The following ZNF222 variants were observed in gnomAD, a reference collection of about 807,000 sequenced individuals.
ZNF222 encodes zinc finger protein 222.
ZNF222 carries 8 observed loss-of-function variants against 11.6 expected under a neutral mutation model. The observed-to-expected ratio is 0.69, with a 90% confidence interval of 0.41 to 1.25. The LOEUF (loss-of-function observed/expected upper bound fraction) is 1.25. ZNF222 is among the 50% of genes most tolerant of loss of function. ZNF222 has a pLI of 0.01. For missense variants in ZNF222, 483 were observed against 576.1 expected (o/e 0.84, Z 1.65); for synonymous variants, 171 against 195.6 (o/e 0.87, Z 1.05).
At chr19:44,031,096 C>G (rs772373395) in intron 3 of ZNF222, 5 of 152,188 alleles carry the variant, frequency 3.3e-5, no homozygotes, top group Non-Finnish European at 7.3e-5. Context: ...AATATACAAA[C>G]TGTTTATTCG....
Position 44,026,210 on chromosome 19 carries a change from G to A in ZNF222, c.42+732G>A, listed in dbSNP as rs1341700504. ...GCCTTAATTGGTAACTTTATTCCAA[G>A]TACTTTATACCCCAAAATACATGAT... On this transcript the variant is annotated intron_variant, in intron 1 of 3. Coordinates refer to ENST00000391960, the MANE Select transcript of ZNF222 (RefSeq NM_001129996.2). The A allele has an allele frequency of 8.2e-6, 8 of 969,734 alleles. No homozygotes were observed. In the East Asian group the frequency reaches 1.5e-4, roughly 18 times the overall value. The allele number at this position is 969,734 out of a possible 1,614,324, so 60.1% of individuals were successfully genotyped here. A position where few individuals can be genotyped will look rare whatever the true frequency, so the allele number is the denominator to read the frequency against.
chr19:44,028,620 C>G (rs944243979), intron 3 of ZNF222, among the ~76,000 whole-genome samples: 3 of 152,234 alleles, frequency 2.0e-5, no homozygotes, highest in African/African-American at 7.2e-5. Context: ...AGTCGCCCCT[C>G]CCCTTTGCAA....
chr19:44,028,172 C>A (rs1282763137), intron 3 of ZNF222: 1 of 399,218 alleles, frequency 2.5e-6, no homozygotes, highest in Non-Finnish European at 4.4e-6. Context: ...GCTTCCTCTG[C>A]CACTCTTCTT....
At chr19:44,026,120 G>A in intron 1 of ZNF222, 1 of 1,606,466 alleles carries the variant, frequency 6.2e-7, no homozygotes. Context: ...CTTTGACAGA[G>A]ATGCTTACCT....
In ZNF222 at chr19:44,032,046, G is replaced by T. The variant is rs1212871376; in HGVS notation, c.492G>T (p.Gln164His). 6.2e-7 allele frequency: 1 copy of T among 1,614,094 alleles called. No homozygotes were observed. Among genetic ancestry groups the T allele is most frequent in the Admixed American group, 1.7e-5 (1 of 60,014 alleles). The change falls in exon 4 of 4, where the codon CAG becomes CAT. Residue 164 changes from glutamine (Q) to histidine (H), a missense_variant. Physicochemically the swap from Gln to His is conservative, Grantham distance 24. Coordinates refer to ENST00000391960, the MANE Select transcript of ZNF222 (RefSeq NM_001129996.2). The stretch of plus-strand genomic sequence containing the variant: ...CTTTCCAGGGTGAAAATTGTAAACA[G>T]TTCTTCAGTGATGTTTCCTTCTTTG... ...EKPFQGENCKQFFSDVSFFDL... is the reference protein window; with the variant it reads ...EKPFQGENCKHFFSDVSFFDL...
Position 44,032,366 on chromosome 19 carries a change from G to A in ZNF222, c.812G>A (p.Cys271Tyr). 3 of 1,614,204 alleles carry A rather than the reference G, an allele frequency of 1.9e-6. No homozygotes were observed. The highest frequency in any genetic ancestry group is 1.3e-5 in the African/African-American group (1 of 75,054). ...KLHMREKPYNCEKCGKAFMHN... is the reference protein window; with the variant it reads ...KLHMREKPYNYEKCGKAFMHN... ...CACATGAGAGAGAAACCTTATAATT[G>A]TGAGAAATGTGGGAAGGCTTTCATG... The change falls in exon 4 of 4, where the codon TGT (cysteine) becomes TAT (tyrosine). Residue 271 changes from cysteine to tyrosine, a missense_variant. Transcript: ENST00000391960.
At chr19:44,028,081 C>T in intron 3 of ZNF222, 1 of 400,002 alleles carries the variant, frequency 2.5e-6, no homozygotes, top group Non-Finnish European at 4.4e-6. Context: ...TAGTCACTGT[C>T]CACACTCCGT....
intron 3 of ZNF222, among the ~76,000 whole-genome samples, chr19:44,031,292 A>G (rs573225662): frequency 1.3e-5 from 2 of 152,220 alleles, no homozygotes; most frequent in South Asian, 4.1e-4. Context: ...TACATATGAG[A>G]CATGGTGTGG....
Position 44,032,230 on chromosome 19 carries a change from T to C in ZNF222, c.676T>C (p.Ser226Pro), listed in dbSNP as rs758960068. ...GTGTGGTAAGGAATTTAGTCAGAGCTCACGTCTGCAAACTCATCAAAGAGT... is the reference window on the plus strand; with the variant it reads ...GTGTGGTAAGGAATTTAGTCAGAGCCCACGTCTGCAAACTCATCAAAGAGT... The part of the protein sequence containing the change: ...DVCGKEFSQS[S>P]RLQTHQRVHT... Residue 226 changes from serine (S) to proline (P), a missense_variant, in exon 4 of 4, where the codon TCA becomes CCA. By Grantham distance (74) the Ser-to-Pro change is moderately conservative (BLOSUM62 -1). Coordinates refer to ENST00000391960, the MANE Select transcript of ZNF222 (RefSeq NM_001129996.2). 6.2e-7 allele frequency: 1 copy of C among 1,614,162 alleles called. No homozygotes were observed. The highest frequency in any genetic ancestry group is 1.1e-5 in the South Asian group (1 of 91,078).
At chr19:44,026,153 G>C in intron 1 of ZNF222, 2 of 1,528,116 alleles carry the variant, frequency 1.3e-6, no homozygotes, top group South Asian at 2.3e-5. Context: ...TGTAGGATTT[G>C]TCCCTCGGGC....
At chr19:44,027,555 C>A in intron 3 of ZNF222, 65 bp downstream of exon 3, 4 of 1,516,744 alleles carry the variant, frequency 2.6e-6, no homozygotes, top group Non-Finnish European at 3.6e-6. Flanking sequence ...TGCCCATTTC[C>A]AGCATTTTGG....
intron 3 of ZNF222, among the ~76,000 whole-genome samples, chr19:44,029,199 T>TG (rs2067595013): frequency 6.8e-6 from 1 of 146,762 alleles, no homozygotes; most frequent in Admixed American, 6.7e-5. Flanking sequence ...TTGTTTTTTT[T>TG]TTTTTTTTTT....
intron 3 of ZNF222, among the ~76,000 whole-genome samples, chr19:44,030,116 C>T (rs968506677): frequency 6.6e-6 from 1 of 152,150 alleles, no homozygotes; most frequent in Non-Finnish European, 1.5e-5. Flanking sequence ...TTTCATTCCA[C>T]GTGTTTCTGA....
chr19:44,029,414 A>G (rs1455700553), intron 3 of ZNF222, among the ~76,000 whole-genome samples: 1 of 151,960 alleles, frequency 6.6e-6, no homozygotes, highest in African/African-American at 2.4e-5. Context: ...GAAATTCTTT[A>G]TATCTATGAG....
chr19:44,025,939 C>T lies in ZNF222; in HGVS notation c.42+461C>T. ...TGGATGATCCCTGACGCCTTCTGAC[C>T]TCTTTTTAGGAAAGTGAGGGGAGCA... On this transcript the variant is annotated intron_variant, in intron 1 of 3. Coordinates refer to ENST00000391960, the MANE Select transcript of ZNF222 (RefSeq NM_001129996.2). This position sits in a 1 kb window ranked among gnomAD's most constrained non-coding sequence, Gnocchi z 4.6. 7 of 1,385,838 alleles carry T rather than the reference C, an allele frequency of 5.1e-6. No homozygotes were observed. Among genetic ancestry groups the T allele is most frequent in the East Asian group, 4.7e-5 (2 of 42,862 alleles). 85.8% of individuals were successfully genotyped at this position (1,385,838 alleles called of 1,614,324 possible).
rs776555732 is a variant in ZNF222, at chr19:44,032,026, C to T, written c.472C>T (p.Gln158Ter). ...STVHTREKPF[Q>*]GENCKQFFSD... ...AGTTCACACAAGAGAAAAACCTTTCCAGGGTGAAAATTGTAAACAGTTCTT... is the reference window on the plus strand; with the variant it reads ...AGTTCACACAAGAGAAAAACCTTTCTAGGGTGAAAATTGTAAACAGTTCTT... The change falls in exon 4 of 4, where the codon CAG (glutamine) becomes TAG (stop). Residue 158 changes from glutamine (Q) to a stop codon, truncating the protein, a stop_gained. Coordinates refer to ENST00000391960, the MANE Select transcript of ZNF222 (RefSeq NM_001129996.2). LOFTEE classifies it low-confidence loss of function (END_TRUNC). 6.2e-7 allele frequency: 1 copy of T among 1,614,174 alleles called. No individual in the cohort carries two copies. Among genetic ancestry groups the T allele is most frequent in the Non-Finnish European group, 8.5e-7 (1 of 1,180,034 alleles).
chr19:44,026,544 A>G (rs36010337), intron 1 of ZNF222, among the ~76,000 whole-genome samples: 3 of 123,786 alleles, frequency 2.4e-5, no homozygotes, highest in African/African-American at 8.3e-5. Context: ...CTCTCTCTCT[A>G]TATATATATA....
In ZNF222 at chr19:44,025,988, A is replaced by G; in HGVS notation, c.42+510A>G. The G allele has an allele frequency of 6.3e-7, 1 of 1,586,762 alleles. No individual in the cohort carries two copies. Among genetic ancestry groups the G allele is most frequent in the Non-Finnish European group, 8.5e-7 (1 of 1,170,282 alleles). ...CATTTAACTTTTATGGGGGACGGCA[A>G]AACGGTCAGGGTGTTTCACAGCTTT... On this transcript the variant is annotated intron_variant, in intron 1 of 3. Coordinates refer to ENST00000391960, the MANE Select transcript of ZNF222 (RefSeq NM_001129996.2). This position sits in a 1 kb window ranked among gnomAD's most constrained non-coding sequence, Gnocchi z 4.6.
chr19:44,026,341 G>A (rs868697029), intron 1 of ZNF222, among the ~76,000 whole-genome samples: 3 of 152,086 alleles, frequency 2.0e-5, no homozygotes, highest in Non-Finnish European at 4.4e-5. Context: ...GTTAGAGCCT[G>A]AGTTGATCAT....
Sources: allele counts gnomAD v4.1 joint callset (sites outside exome capture counted in the v4.1 genomes callset), GRCh38; gene constraint gnomAD v4.1.1; non-coding constraint Gnocchi (gnomAD v3.1); transcripts MANE v1.5; gene names NCBI Gene and HGNC (gene_info 2026-07-23, HGNC 2026-07-21).